The following EHMT1 variants were observed in gnomAD, a reference collection of about 807,000 sequenced individuals.
EHMT1 encodes the protein euchromatic histone lysine methyltransferase 1.
In EHMT1, 15 loss-of-function variants were observed where a neutral mutation model predicts 147.2. The ratio of observed to expected loss-of-function variants is 0.10; its 90% CI spans 0.07 to 0.16. EHMT1 has a LOEUF of 0.16. Among genes scored for constraint, EHMT1 ranks in the 10% least tolerant of loss-of-function variants. EHMT1 has a pLI of 1.00. For missense variants in EHMT1, 1,587 were observed against 1,772.4 expected (o/e 0.90, Z 1.88); for synonymous variants, 795 against 709.6 (o/e 1.12, Z -1.91).
rs1225363386 is a variant in EHMT1 at position 137,834,940 on chromosome 9, C to G, written c.3884C>G (p.Ala1295Gly). 6.6e-7 allele frequency: 1 copy of G among 1,513,078 alleles called. No homozygotes were observed. The highest frequency in any genetic ancestry group is 1.3e-5 in the South Asian group (1 of 79,002). The allele number at this position is 1,513,078 out of a possible 1,614,324, so 93.7% of individuals were successfully genotyped here. Residue 1295 changes from alanine (A) to glycine (G), a missense_variant, in exon 27 of 27, where the codon GCC becomes GGC. Ala to Gly is a moderately conservative substitution (Grantham distance 60). This residue lies in a region of EHMT1 where 141 missense variants were observed against 150.8 expected (regional missense o/e 0.94). Transcript: ENST00000460843. Reference sequence around the variant, plus strand: ...CCCGACACCAGCTCCGCGGCTGCCGCCGACCCCCTATGAGACGCCGCCGGC... The same window carrying G: ...CCCGACACCAGCTCCGCGGCTGCCGGCGACCCCCTATGAGACGCCGCCGGC... ...GLPDTSSAAA[A>G]DPL
intron 1 of EHMT1, among the ~76,000 whole-genome samples, chr9:137,666,457 CAGT>C (rs756920248): frequency 6.6e-6 from 1 of 152,258 alleles, no homozygotes; most frequent in Non-Finnish European, 1.5e-5. Flanking sequence ...ATGGCAGCCT[CAGT>C]GGTGGAGGGA....
intron 6 of EHMT1, chr9:137,748,084 T>A (rs1265896427): frequency 2.0e-5 from 3 of 152,226 alleles, no homozygotes; most frequent in African/African-American, 7.2e-5. Context: ...CAAAGTGGTC[T>A]GGGTGGGGGC....
At chr9:137,622,559 T>C (rs892131882) in intron 1 of EHMT1, among the ~76,000 whole-genome samples, 1 of 152,116 alleles carries the variant, frequency 6.6e-6, no homozygotes, top group Non-Finnish European at 1.5e-5. Context: ...CCATTAATGG[T>C]GAATTAGTGT....
intron 1 of EHMT1, among the ~76,000 whole-genome samples, chr9:137,664,326 C>G (rs913542177): frequency 6.7e-6 from 1 of 149,158 alleles, no homozygotes; most frequent in Admixed American, 6.7e-5. Context: ...GAGTCGTGCT[C>G]TGTCGCTCAG....
intron 18 of EHMT1, among the ~76,000 whole-genome samples, chr9:137,808,676 T>TGGGGGGGGGGGGG (rs147011444): frequency 1.7e-5 from 1 of 58,414 alleles, no homozygotes; most frequent in African/African-American, 3.6e-5. Context: ...GGGCGGGGGG[T>TGGGGGGGGGGGGG]GGGGGGGGCG....
chr9:137,799,201 C>T (rs1953238778), intron 17 of EHMT1, among the ~76,000 whole-genome samples: 2 of 152,310 alleles, frequency 1.3e-5, no homozygotes, highest in Middle Eastern at 6.8e-3. Context: ...TTAGCTCAAG[C>T]CCTTGGGCCC....
At chr9:137,768,419 T>C (rs1484016148) in intron 10 of EHMT1, among the ~76,000 whole-genome samples, 1 of 146,284 alleles carries the variant, frequency 6.8e-6, no homozygotes, top group African/African-American at 2.5e-5. Flanking sequence ...AGTGGCAGGA[T>C]CTCGGCTCAC....
intron 18 of EHMT1, among the ~76,000 whole-genome samples, chr9:137,801,258 G>A (rs1021607788): frequency 1.3e-5 from 2 of 152,196 alleles, no homozygotes; most frequent in African/African-American, 4.8e-5. Flanking sequence ...ACGGGGCTGT[G>A]CCTGGGCCTG....
intron 25 of EHMT1, among the ~76,000 whole-genome samples, chr9:137,824,254 G>A (rs752367526): frequency 6.6e-6 from 1 of 152,152 alleles, no homozygotes; most frequent in African/African-American, 2.4e-5. Flanking sequence ...ATGTGGGTTT[G>A]AAGTAAGGAT....
At chr9:137,627,509 C>T (rs1401186602) in intron 1 of EHMT1, among the ~76,000 whole-genome samples, 1 of 151,906 alleles carries the variant, frequency 6.6e-6, no homozygotes, top group East Asian at 1.9e-4. Flanking sequence ...AGGTGATTTG[C>T]CCACCTCAGC....
chr9:137,768,181 C>CGTGTT (rs1232408042), intron 10 of EHMT1, among the ~76,000 whole-genome samples: 1 of 151,980 alleles, frequency 6.6e-6, no homozygotes, highest in Non-Finnish European at 1.5e-5. Context: ...CAGAACACAC[C>CGTGTT]GTGTTGTTAC....
chr9:137,715,836 C>G (rs1945164177), intron 2 of EHMT1: 57 of 985,166 alleles, frequency 5.8e-5, no homozygotes, highest in Non-Finnish European at 6.9e-5. Flanking sequence ...TTTTCTATCT[C>G]CAAATAACAC....
intron 1 of EHMT1, among the ~76,000 whole-genome samples, chr9:137,622,876 C>T (rs1264360652): frequency 6.9e-6 from 1 of 145,782 alleles, no homozygotes; most frequent in Non-Finnish European, 1.5e-5. Context: ...CACTGCCCTG[C>T]AGCCTGGGTG....
chr9:137,829,560 C>T (rs2069767695), intron 25 of EHMT1, among the ~76,000 whole-genome samples: 1 of 152,256 alleles, frequency 6.6e-6, no homozygotes, highest in South Asian at 2.1e-4. Flanking sequence ...GGTTCATCTA[C>T]AGACTCCTAG....
chr9:137,741,126 G>A (rs1346981335), intron 4 of EHMT1, among the ~76,000 whole-genome samples: 1 of 152,006 alleles, frequency 6.6e-6, no homozygotes, highest in Non-Finnish European at 1.5e-5. Flanking sequence ...ACAGGCGCCC[G>A]CCACCTTGGC....
At chr9:137,712,500 C>G (rs550275344) in intron 2 of EHMT1, among the ~76,000 whole-genome samples, 7 of 152,190 alleles carry the variant, frequency 4.6e-5, no homozygotes, top group African/African-American at 1.7e-4. Context: ...GAAGTGGCAT[C>G]TCATTGTGGT....
intron 1 of EHMT1, among the ~76,000 whole-genome samples, chr9:137,623,672 C>T (rs972870443): frequency 2.0e-5 from 3 of 152,260 alleles, no homozygotes; most frequent in African/African-American, 4.8e-5. Context: ...CTGCCCACTT[C>T]GGCCTCCTAA....
intron 18 of EHMT1, 93 bp from the exon 19 acceptor site, chr9:137,811,368 C>A: frequency 6.3e-7 from 1 of 1,577,552 alleles, no homozygotes; most frequent in Non-Finnish European, 8.6e-7. Flanking sequence ...CAGAGCCTCT[C>A]CCCGGGCACA....
chr9:137,683,478 T>C (rs534966419), intron 1 of EHMT1, among the ~76,000 whole-genome samples: 3 of 152,384 alleles, frequency 2.0e-5, no homozygotes, highest in African/African-American at 4.8e-5. Context: ...GGTCATGTTA[T>C]GTTGCCCAGG....
Sources: allele counts gnomAD v4.1 joint callset (sites outside exome capture counted in the v4.1 genomes callset), GRCh38; gene constraint gnomAD v4.1.1; regional missense constraint gnomAD v4.1.1; transcripts MANE v1.5; gene names NCBI Gene and HGNC (gene_info 2026-07-23, HGNC 2026-07-21).